B3GAT2: variants seen among roughly 807,000 people sequenced by gnomAD.
B3GAT2 encodes galactosylgalactosylxylosylprotein 3-beta-glucuronosyltransferase 2.
Under a neutral mutation model 27.8 loss-of-function variants are expected in B3GAT2, and 26 were observed. The observed-to-expected ratio is 0.93, with a 90% CI of 0.68 to 1.30. B3GAT2 has a LOEUF of 1.30. Ranked by LOEUF, B3GAT2 falls within the 50% of genes most tolerant of loss-of-function variation. The pLI, the probability that B3GAT2 is intolerant of heterozygous loss-of-function variation, is 0.00. For synonymous variants in B3GAT2, 218 were observed against 195.1 expected (o/e 1.12, Z -0.98); for missense variants, 458 against 459.0 (o/e 1.00, Z 0.02).
intron 1 of B3GAT2, among the ~76,000 whole-genome samples, chr6:70,919,251 C>A (rs1463271515): frequency 6.6e-6 from 1 of 152,170 alleles, no homozygotes; most frequent in Non-Finnish European, 1.5e-5. Flanking sequence ...TCTATCATGT[C>A]ATTTATATTC....
At chr6:70,952,093 T>C (rs1765587254) in intron 1 of B3GAT2, among the ~76,000 whole-genome samples, 1 of 152,004 alleles carries the variant, frequency 6.6e-6, no homozygotes, top group African/African-American at 2.4e-5. Context: ...ACACAAATAC[T>C]TCTGAAAAAA....
intron 2 of B3GAT2, among the ~76,000 whole-genome samples, chr6:70,866,465 C>G (rs1321154084): frequency 2.0e-5 from 3 of 152,156 alleles, no homozygotes; most frequent in Admixed American, 6.5e-5. Flanking sequence ...ATATATGTCT[C>G]TCTCATCCAG....
At chr6:70,879,082 T>G (rs1772059349) in intron 2 of B3GAT2, among the ~76,000 whole-genome samples, 1 of 152,268 alleles carries the variant, frequency 6.6e-6, no homozygotes, top group South Asian at 2.1e-4. Flanking sequence ...TTGTTAAAAT[T>G]GCCACTTTTG....
Position 70,861,862 on chromosome 6 carries a change from C to T in B3GAT2, c.853G>A (p.Glu285Lys). 1 of 1,614,024 alleles carries T rather than the reference C, an allele frequency of 6.2e-7. No individual in the cohort carries two copies. The highest frequency in any genetic ancestry group is 8.5e-7 in the Non-Finnish European group (1 of 1,179,970). Residue 285 changes from glutamate (E) to lysine (K), a missense_variant, in exon 3 of 4, where the codon GAA becomes AAA. By Grantham distance (56) the Glu-to-Lys change is moderately conservative. Coordinates refer to ENST00000230053, the MANE Select transcript of B3GAT2 (RefSeq NM_080742.3). ...DFLKQITTVE[E>K]LEPKANNCTK... ...CAGTTATTTGCTTTCGGTTCCAGTT[C>T]TTCGACTGTTGTTATCTGTTTGAGA...
intron 1 of B3GAT2, among the ~76,000 whole-genome samples, chr6:70,942,428 T>C (rs1311580665): frequency 4.6e-5 from 7 of 152,140 alleles, no homozygotes; most frequent in Non-Finnish European, 1.5e-5. Context: ...TCCACAAATA[T>C]GGTTTTCTCT....
At chr6:70,912,983 GTTTT>G (rs1444427038) in intron 1 of B3GAT2, among the ~76,000 whole-genome samples, 11 of 152,042 alleles carry the variant, frequency 7.2e-5, no homozygotes, top group Middle Eastern at 3.4e-3. Context: ...GTCTTTTAAG[GTTTT>G]TTATATTTCT....
At chr6:70,943,584 T>C (rs796586134) in intron 1 of B3GAT2, among the ~76,000 whole-genome samples, 52 of 152,320 alleles carry the variant, frequency 3.4e-4, no homozygotes, top group African/African-American at 1.2e-3. Context: ...GATGTATACA[T>C]AGCAAATGAG....
At chr6:70,915,633 GT>G (rs1772760143) in intron 1 of B3GAT2, among the ~76,000 whole-genome samples, 1 of 152,148 alleles carries the variant, frequency 6.6e-6, no homozygotes, top group South Asian at 2.1e-4. Flanking sequence ...TGGCTAGCCT[GT>G]TTTCCCAGCA....
rs750941214 is a variant in B3GAT2 at position 70,955,872 on chromosome 6, G to A, written c.558C>T (p.Asp186=). 4.4e-6 allele frequency: 7 copies of A among 1,604,760 alleles called. No homozygotes were observed. In the African/African-American group the frequency reaches 6.8e-5, roughly 15 times the overall value. Residue 186 remains aspartate (D), a synonymous_variant, in exon 1 of 4, where the codon GAC becomes GAT. Coordinates refer to ENST00000230053, the MANE Select transcript of B3GAT2 (RefSeq NM_080742.3). ...AGAGCTCCAGACTATAGGTGTTGTC[G>A]TCGTCAGCGAAGAAGAGCACGCCGG... is the stretch of plus-strand genomic sequence containing the variant. ...AQPGVLFFAD[D]DNTYSLELFQ... is the part of the protein sequence containing the mutation.
chr6:70,928,379 A>G (rs939652832), intron 1 of B3GAT2, among the ~76,000 whole-genome samples: 9 of 152,278 alleles, frequency 5.9e-5, no homozygotes, highest in South Asian at 2.1e-4. Context: ...AAAAACTTCA[A>G]AAAATCAATG....
At chr6:70,900,310 A>G (rs1772475840) in intron 1 of B3GAT2, among the ~76,000 whole-genome samples, 1 of 152,184 alleles carries the variant, frequency 6.6e-6, no homozygotes, top group Admixed American at 6.5e-5. Context: ...ATTCCAGGGT[A>G]GTGGTGCTTG....
chr6:70,897,143 T>A (rs1447465170), intron 1 of B3GAT2, among the ~76,000 whole-genome samples: 1 of 152,202 alleles, frequency 6.6e-6, no homozygotes, highest in Non-Finnish European at 1.5e-5. Context: ...ATAGTTTTAA[T>A]TTGCATTATT....
intron 2 of B3GAT2, among the ~76,000 whole-genome samples, chr6:70,883,130 A>G (rs961985716): frequency 6.6e-6 from 1 of 152,198 alleles, no homozygotes; most frequent in Non-Finnish European, 1.5e-5. Flanking sequence ...TGCTGTGGAG[A>G]GTGTAAAATG....
intron 1 of B3GAT2, among the ~76,000 whole-genome samples, chr6:70,947,525 A>G (rs1218396091): frequency 6.6e-6 from 1 of 152,132 alleles, no homozygotes; most frequent in Non-Finnish European, 1.5e-5. Flanking sequence ...CCGAAGACTA[A>G]ACCAGGAAGA....
chr6:70,908,344 A>G (rs933537602), intron 1 of B3GAT2, among the ~76,000 whole-genome samples: 35 of 152,202 alleles, frequency 2.3e-4, no homozygotes. Context: ...ATCTTTGACT[A>G]AATAGGCTCT....
chr6:70,859,364 C>T lies in B3GAT2; in HGVS notation c.*2299G>A, dbSNP rs1771593189. Reference sequence around the variant, plus strand: ...AGGGTGATGCTGTTCTCCAGCACTCCATCAGTGCAATCTACTGGCCAATGA... The same window carrying T: ...AGGGTGATGCTGTTCTCCAGCACTCTATCAGTGCAATCTACTGGCCAATGA... On this transcript the variant is annotated 3_prime_UTR_variant, in exon 4 of 4. Coordinates refer to ENST00000230053, the MANE Select transcript of B3GAT2 (RefSeq NM_080742.3). 1 of 1,542,116 alleles carries T rather than the reference C, an allele frequency of 6.5e-7. No individual in the cohort carries two copies. Among genetic ancestry groups the T allele is most frequent in the Admixed American group, 2.0e-5 (1 of 50,154 alleles).
At position 70,860,580 on chromosome 6, in the gene B3GAT2, T is replaced by C. The variant is rs1771675669; in HGVS notation, c.*1083A>G. ...TCCCATGATTTCATGTACTGCATTA[T>C]TTGAGAAGCTGCTCAACTTGCAAAA... is the stretch of plus-strand genomic sequence containing the variant. On this transcript the variant is annotated 3_prime_UTR_variant, in exon 4 of 4. Coordinates refer to ENST00000230053, the MANE Select transcript of B3GAT2 (RefSeq NM_080742.3). The C allele has an allele frequency of 3.0e-5, 13 of 434,406 alleles. No homozygotes were observed. In the East Asian group the frequency reaches 4.5e-4, roughly 15 times the overall value. The allele number at this position is 434,406 out of a possible 1,614,324, so 26.9% of individuals were successfully genotyped here. A position where few individuals can be genotyped will look rare whatever the true frequency, so the allele number is the denominator to read the frequency against.
intron 1 of B3GAT2, among the ~76,000 whole-genome samples, chr6:70,898,105 T>C (rs146527151): frequency 0.017 from 2,607 of 152,340 alleles, 35 homozygotes; most frequent in Non-Finnish European, 0.028. Flanking sequence ...AGATCCTTTT[T>C]ATTTCCACAT....
At chr6:70,930,205 A>G (rs1469530365) in intron 1 of B3GAT2, among the ~76,000 whole-genome samples, 2 of 152,270 alleles carry the variant, frequency 1.3e-5, no homozygotes, top group Non-Finnish European at 2.9e-5. Flanking sequence ...GATGGATTAA[A>G]GACTTAAATG....
Sources: allele counts gnomAD v4.1 joint callset (sites outside exome capture counted in the v4.1 genomes callset), GRCh38; gene constraint gnomAD v4.1.1; transcripts MANE v1.5; gene names NCBI Gene and HGNC (gene_info 2026-07-23, HGNC 2026-07-21).